RARB: variants seen among roughly 807,000 people sequenced by gnomAD.
RARB encodes retinoic acid receptor beta.
RARB carries 17 observed loss-of-function variants against 51.9 expected under a neutral mutation model. That is an observed-to-expected ratio of 0.33 (90% CI 0.22 to 0.49). RARB has a LOEUF of 0.49. Ranked by LOEUF, RARB falls within the 20% of genes least tolerant of loss-of-function variation. The pLI is 0.99. For synonymous variants in RARB, 215 were observed against 195.4 expected, an observed-to-expected ratio of 1.10 and a Z score of -0.84; for missense variants, 369 against 550.8, an observed-to-expected ratio of 0.67 and a Z score of 3.30.
chr3:25,355,015 T>A (rs1705690291), intron 5 of RARB, among the ~76,000 whole-genome samples: 1 of 152,096 alleles, frequency 6.6e-6, no homozygotes, highest in African/African-American at 2.4e-5. Flanking sequence ...CTGTGCAACT[T>A]TGGGCAAGTT....
At chr3:25,338,084 CT>C (rs1288988991) in intron 5 of RARB, among the ~76,000 whole-genome samples, 1 of 139,190 alleles carries the variant, frequency 7.2e-6, no homozygotes, top group East Asian at 2.1e-4. Context: ...TGTCACCCCC[CT>C]CCAAACCCCC....
chr3:25,590,547 G>A (rs1701575868), intron 5 of RARB, among the ~76,000 whole-genome samples: 1 of 152,090 alleles, frequency 6.6e-6, no homozygotes, highest in Non-Finnish European at 1.5e-5. Context: ...TTGAGACAGG[G>A]TCTCACTCTG....
At chr3:25,119,426 C>A (rs2125328569) in intron 3 of RARB, among the ~76,000 whole-genome samples, 1 of 152,162 alleles carries the variant, frequency 6.6e-6, no homozygotes, top group Admixed American at 6.5e-5. Flanking sequence ...GTGTATGCTC[C>A]ATGGGTGTAT....
intron 4 of RARB, among the ~76,000 whole-genome samples, chr3:25,152,470 T>C (rs1453376405): frequency 6.6e-6 from 1 of 152,208 alleles, no homozygotes; most frequent in South Asian, 2.1e-4. Flanking sequence ...ACTGTCTTTT[T>C]CTTTTATTTA....
chr3:25,587,347 T>C (rs1411834076), intron 5 of RARB, among the ~76,000 whole-genome samples: 1 of 151,960 alleles, frequency 6.6e-6, no homozygotes, highest in African/African-American at 2.4e-5. Flanking sequence ...CACCTTGAAA[T>C]GTGCCTGGTG....
intron 2 of RARB, among the ~76,000 whole-genome samples, chr3:24,993,409 CT>C (rs201819959): frequency 5.9e-5 from 9 of 151,634 alleles, no homozygotes; most frequent in Non-Finnish European, 8.8e-5. Context: ...TTTTCAAAGT[CT>C]TTTTTTTAAT....
At chr3:25,214,582 T>G (rs1701775161) in intron 5 of RARB, among the ~76,000 whole-genome samples, 1 of 152,244 alleles carries the variant, frequency 6.6e-6, no homozygotes, top group Non-Finnish European at 1.5e-5. Flanking sequence ...GAAGAAATTT[T>G]CCTACTGTAA....
At chr3:24,889,787 C>T (rs995038697) in intron 2 of RARB, among the ~76,000 whole-genome samples, 2 of 147,896 alleles carry the variant, frequency 1.4e-5, no homozygotes, top group African/African-American at 2.5e-5. Context: ...TTTGTTTATA[C>T]TTTGAAATGT....
At chr3:24,983,779 A>T (rs1696728004) in intron 2 of RARB, among the ~76,000 whole-genome samples, 1 of 152,126 alleles carries the variant, frequency 6.6e-6, no homozygotes, top group Non-Finnish European at 1.5e-5. Context: ...GTAAATCATA[A>T]TATGTGGAAG....
At chr3:25,311,341 A>G (rs993184647) in intron 5 of RARB, among the ~76,000 whole-genome samples, 8 of 152,246 alleles carry the variant, frequency 5.3e-5, no homozygotes, top group African/African-American at 1.9e-4. Context: ...TTATTAAAAG[A>G]GTCCGCTGAT....
At chr3:24,987,053 A>G (rs1018570971) in intron 2 of RARB, among the ~76,000 whole-genome samples, 2 of 152,188 alleles carry the variant, frequency 1.3e-5, no homozygotes, top group African/African-American at 4.8e-5. Context: ...TCAAAAAACA[A>G]TCTAATTTAA....
chr3:25,083,130 A>G (rs10446449), intron 3 of RARB, among the ~76,000 whole-genome samples: 5,613 of 48,448 alleles, frequency 0.12, 149 homozygotes, highest in South Asian at 0.19. Flanking sequence ...ATCATTAGGT[A>G]TGATTTTTCT....
chr3:25,321,738 T>A (rs938102350), intron 5 of RARB, among the ~76,000 whole-genome samples: 2 of 151,068 alleles, frequency 1.3e-5, no homozygotes, highest in South Asian at 4.2e-4. Flanking sequence ...TAAAAAAAAA[T>A]TGTGCTGTCA....
chr3:24,941,495 G>A (rs562176181), intron 2 of RARB, among the ~76,000 whole-genome samples: 1 of 151,570 alleles, frequency 6.6e-6, no homozygotes, highest in Non-Finnish European at 1.5e-5. Context: ...TCAGTCTCCC[G>A]AATAGCTGGG....
At chr3:24,861,595 A>T (rs1450376602) in intron 2 of RARB, among the ~76,000 whole-genome samples, 10 of 12,928 alleles carry the variant, frequency 7.7e-4, no homozygotes, top group South Asian at 4.4e-3. Flanking sequence ...AACTTGTTAT[A>T]AAAAAAAAAA....
chr3:25,506,401 T>C (rs1697599318), intron 3 of RARB, among the ~76,000 whole-genome samples: 1 of 152,064 alleles, frequency 6.6e-6, no homozygotes, highest in Non-Finnish European at 1.5e-5. Flanking sequence ...AGCCCAGTAG[T>C]TTGAGACCAG....
At chr3:25,595,850 AC>A (rs774569000) in intron 7 of RARB, among the ~76,000 whole-genome samples, 1 of 152,212 alleles carries the variant, frequency 6.6e-6, no homozygotes, top group Non-Finnish European at 1.5e-5. Flanking sequence ...ACTGCCATCA[AC>A]CTGTCTTTTT....
At chr3:24,848,866 C>G (rs1702518294) in intron 1 of RARB, among the ~76,000 whole-genome samples, 1 of 152,196 alleles carries the variant, frequency 6.6e-6, no homozygotes, top group Non-Finnish European at 1.5e-5. Flanking sequence ...GTATGACTGT[C>G]TATGCCTTAT....
At chr3:25,210,825 A>G (rs577535387) in intron 5 of RARB, among the ~76,000 whole-genome samples, 11 of 151,960 alleles carry the variant, frequency 7.2e-5, no homozygotes, top group East Asian at 1.9e-4. Context: ...ATGAGCCACC[A>G]TGCCCAGCCT....
Sources: allele counts gnomAD v4.1 joint callset (sites outside exome capture counted in the v4.1 genomes callset), GRCh38; gene constraint gnomAD v4.1.1; transcripts MANE v1.5; gene names NCBI Gene and HGNC (gene_info 2026-07-23, HGNC 2026-07-21).